SNX29: variants seen among roughly 807,000 people sequenced by gnomAD.
SNX29 encodes the protein sorting nexin 29.
Under a neutral mutation model 102.1 loss-of-function variants are expected in SNX29, and 78 were observed. The ratio of observed to expected loss-of-function variants is 0.76; its 90% CI spans 0.64 to 0.92. The LOEUF (loss-of-function observed/expected upper bound fraction) is 0.92. SNX29 is among the 40% of genes least tolerant of loss of function. The pLI, the probability that SNX29 is intolerant of heterozygous loss-of-function variation, is 0.00. For missense variants in SNX29, 1,280 were observed against 1,061.7 expected (o/e 1.21, Z -2.86); for synonymous variants, 580 against 414.5 (o/e 1.40, Z -4.85).
intron 15 of SNX29, among the ~76,000 whole-genome samples, chr16:12,340,561 G>C (rs976260008): frequency 6.6e-6 from 1 of 152,164 alleles, no homozygotes; most frequent in East Asian, 1.9e-4. Flanking sequence ...TTCTGGAAAC[G>C]TTGGTCTGTG....
At chr16:12,527,974 A>G (rs1474433478) in intron 20 of SNX29, among the ~76,000 whole-genome samples, 1 of 145,524 alleles carries the variant, frequency 6.9e-6, no homozygotes, top group Non-Finnish European at 1.5e-5. Context: ...ACATGTGCCC[A>G]CCACCATGCC....
intron 14 of SNX29, among the ~76,000 whole-genome samples, chr16:12,231,989 A>G (rs1014032684): frequency 2.0e-5 from 3 of 152,212 alleles, no homozygotes; most frequent in East Asian, 3.8e-4. Context: ...CTTGGTATCA[A>G]TAAAGATGCT....
intron 11 of SNX29, among the ~76,000 whole-genome samples, chr16:12,115,195 C>T (rs992196645): frequency 1.3e-5 from 2 of 152,076 alleles, no homozygotes; most frequent in Non-Finnish European, 2.9e-5. Context: ...TCCTTCAGCC[C>T]CCCTCGCTGC....
chr16:12,018,075 C>T (rs73515639), intron 3 of SNX29, among the ~76,000 whole-genome samples: 1,915 of 151,944 alleles, frequency 0.013, 35 homozygotes, highest in African/African-American at 0.044. Flanking sequence ...CTGGCCTGTA[C>T]CCCAGAACAA....
At chr16:12,539,742 A>C (rs938295223) in intron 20 of SNX29, among the ~76,000 whole-genome samples, 1 of 152,228 alleles carries the variant, frequency 6.6e-6, no homozygotes, top group Non-Finnish European at 1.5e-5. Context: ...AGGATGCAGA[A>C]TATTTCATCA....
At chr16:12,067,441 C>G (rs1289682179) in intron 9 of SNX29, among the ~76,000 whole-genome samples, 1 of 152,066 alleles carries the variant, frequency 6.6e-6, no homozygotes, top group East Asian at 1.9e-4. Context: ...GTTCCTTGTC[C>G]CCGATGCACG....
At chr16:12,312,395 A>G (rs16959180) in intron 15 of SNX29, among the ~76,000 whole-genome samples, 49 of 152,222 alleles carry the variant, frequency 3.2e-4, no homozygotes, top group African/African-American at 1.2e-3. Context: ...TGCACTGTAG[A>G]GACTTTACCT....
chr16:12,478,001 A>G (rs1213882899), intron 19 of SNX29, 142 bp downstream of exon 19: 22 of 968,796 alleles, frequency 2.3e-5, no homozygotes, highest in Non-Finnish European at 2.8e-5. Context: ...GAGAAAAGAA[A>G]TAGCCATTCA....
intron 18 of SNX29, among the ~76,000 whole-genome samples, chr16:12,408,564 T>C (rs998993691): frequency 3.9e-5 from 6 of 152,236 alleles, no homozygotes; most frequent in African/African-American, 1.2e-4. Context: ...CCCATGCCTG[T>C]AATCCCAGCA....
chr16:12,397,203 A>G (rs1880948832), intron 16 of SNX29, among the ~76,000 whole-genome samples: 1 of 152,194 alleles, frequency 6.6e-6, no homozygotes, highest in African/African-American at 2.4e-5. Context: ...TCCACTGTTG[A>G]TTTAAGGAGA....
chr16:12,133,526 A>G (rs1403275004), intron 13 of SNX29, among the ~76,000 whole-genome samples: 1 of 152,072 alleles, frequency 6.6e-6, no homozygotes, highest in South Asian at 2.1e-4. Flanking sequence ...CCTGGGCTCA[A>G]GTGATCTACC....
intron 20 of SNX29, among the ~76,000 whole-genome samples, chr16:12,556,882 T>A (rs1311852111): frequency 1.3e-5 from 2 of 151,850 alleles, no homozygotes; most frequent in African/African-American, 4.8e-5. Flanking sequence ...AGATAGGGTC[T>A]CCGTCTGTCT....
rs1403275549 is a variant in SNX29, at chr16:12,570,331, C to T, written c.*1702C>T. 1.3e-5 allele frequency: 10 copies of T among 794,752 alleles called. No individual in the cohort carries two copies. Among genetic ancestry groups the T allele is most frequent in the Non-Finnish European group, 1.6e-5 (10 of 632,132 alleles). 49.2% of individuals were successfully genotyped at this position (794,752 alleles called of 1,614,324 possible). A position where few individuals can be genotyped will look rare whatever the true frequency, so the allele number is the denominator to read the frequency against. ...AGACATCCTGTAAAGGCAACTTGGTCTCCCTCCCACTCACCTGCCAACATT... is the reference window on the plus strand; with the variant it reads ...AGACATCCTGTAAAGGCAACTTGGTTTCCCTCCCACTCACCTGCCAACATT... On this transcript the variant is annotated 3_prime_UTR_variant, in exon 21 of 21. Transcript: ENST00000566228.
chr16:11,993,606 G>C (rs1194418079), intron 1 of SNX29, among the ~76,000 whole-genome samples: 3 of 152,190 alleles, frequency 2.0e-5, no homozygotes, highest in Non-Finnish European at 2.9e-5. Context: ...TCTATGATGA[G>C]CCTGAAGGAG....
chr16:12,254,913 A>C (rs2078524604), intron 14 of SNX29, among the ~76,000 whole-genome samples: 1 of 152,172 alleles, frequency 6.6e-6, no homozygotes, highest in African/African-American at 2.4e-5. Context: ...GGAGAGGGCG[A>C]GTGGAGACAG....
intron 4 of SNX29, among the ~76,000 whole-genome samples, chr16:12,033,875 A>G (rs537633207): frequency 1.3e-5 from 2 of 152,154 alleles, no homozygotes; most frequent in African/African-American, 2.4e-5. Context: ...CCAAAGTGTT[A>G]GGATTACAGG....
At chr16:11,976,948 C>T in intron 1 of SNX29, 135 bp downstream of exon 1, 16 of 1,155,130 alleles carry the variant, frequency 1.4e-5, no homozygotes, top group Non-Finnish European at 1.7e-5. Context: ...TTTTCCAGAC[C>T]CCTGGCCCCC....
intron 18 of SNX29, among the ~76,000 whole-genome samples, chr16:12,439,817 T>A (rs2085718623): frequency 6.6e-6 from 1 of 152,252 alleles, no homozygotes; most frequent in Admixed American, 6.5e-5. Flanking sequence ...AGGGCAGTAG[T>A]ACACCTTCAC....
At position 12,045,138 on chromosome 16, in the gene SNX29, C is replaced by T. The variant is rs370586006; in HGVS notation, c.429-1246C>T. On this transcript the variant is annotated intron_variant, in intron 5 of 20. Coordinates refer to ENST00000566228, the MANE Select transcript of SNX29 (RefSeq NM_032167.5). ...TATGATTTTAGGAATCAGGTGCAGT[C>T]AGAATGTCAGCTTGAGCATGTGGTT... Among the ~76,000 whole-genome samples the T allele has an allele frequency of 5.5e-4, 83 of 152,262 alleles. 1 individual carries two copies. The East Asian group carries it at 0.014, about 25-fold the overall frequency.
Sources: gnomAD v4.1 joint callset for allele counts (sites outside exome capture counted in the v4.1 genomes callset) on GRCh38, gnomAD v4.1.1 for gene constraint, MANE v1.5 for transcripts, NCBI Gene and HGNC (gene_info 2026-07-23, HGNC 2026-07-21) for gene names.